BIRC6: variants seen among roughly 807,000 people sequenced by gnomAD.
BIRC6 encodes the protein dual E2 ubiquitin-conjugating enzyme/E3 ubiquitin-protein ligase BIRC6.
In BIRC6, 98 loss-of-function variants were observed where a neutral mutation model predicts 503.3. That is an observed-to-expected ratio of 0.19 (90% confidence interval 0.17 to 0.23). BIRC6 has a LOEUF of 0.23. Ranked by LOEUF, BIRC6 falls within the 10% of genes least tolerant of loss-of-function variation. The pLI is 1.00. For synonymous variants in BIRC6, 2,240 were observed against 2,078.7 expected, an observed-to-expected ratio of 1.08 and a Z score of -2.11; for missense variants, 5,360 against 5,806.0, an observed-to-expected ratio of 0.92 and a Z score of 2.50.
rs779807146 is a variant in BIRC6 at position 32,488,678 on chromosome 2, A to G, written c.8059A>G (p.Asn2687Asp). The G allele has an allele frequency of 3.4e-6, 5 of 1,471,334 alleles. No homozygotes were observed. The highest frequency in any genetic ancestry group is 4.6e-6 in the Non-Finnish European group (5 of 1,078,408). 91.1% of individuals were successfully genotyped at this position (1,471,334 alleles called of 1,614,324 possible). A position where few individuals can be genotyped will look rare whatever the true frequency, so the allele number is the denominator to read the frequency against. ...AAATGGAGCAGACATATTTTTATAT[A>G]ATGCTAATAGGATACCTGTTATTTC... ...KENGADIFLY[N>D]ANRIPVISLN... Residue 2687 changes from asparagine (N) to aspartate (D), a missense_variant, in exon 42 of 74, where the codon AAT (asparagine) becomes GAT (aspartate). Around this residue, in one of 16 missense-constraint regions of BIRC6, gnomAD observed 2,299 missense variants for 2,267.2 expected, o/e 1.01. Transcript: ENST00000421745.
intron 45 of BIRC6, among the ~76,000 whole-genome samples, chr2:32,497,860 A>G (rs35839092): frequency 6.6e-6 from 1 of 152,136 alleles, no homozygotes; most frequent in East Asian, 1.9e-4. Context: ...GCATTTGACA[A>G]AGTCAGAATT....
chr2:32,503,382 C>T (rs978381531), intron 49 of BIRC6, 146 bp downstream of exon 49: 6 of 708,712 alleles, frequency 8.5e-6, no homozygotes, highest in Admixed American at 5.2e-5. Flanking sequence ...GTGGATATCT[C>T]GACATTCTAC....
chr2:32,543,983 G>C (rs919729252), intron 62 of BIRC6, among the ~76,000 whole-genome samples: 1 of 152,212 alleles, frequency 6.6e-6, no homozygotes, highest in Admixed American at 6.5e-5. Flanking sequence ...AAGTGGCATG[G>C]TAGTTTTTAG....
rs1317366035 is a variant in BIRC6 at position 32,545,897 on chromosome 2, A to G, written c.12810+37A>G. 4 of 1,562,358 alleles carry G rather than the reference A, an allele frequency of 2.6e-6. No homozygotes were observed. In the African/African-American group the frequency reaches 4.1e-5, roughly 16 times the overall value. On this transcript the variant is annotated intron_variant, in intron 63 of 73. Coordinates refer to ENST00000421745, the MANE Select transcript of BIRC6 (RefSeq NM_016252.4). ...TTTAATTATTTCAGTTATTAAAAAA[A>G]CTAGATTTAATTAGGGAGTACAGAA... is the stretch of plus-strand genomic sequence containing the variant.
intron 53 of BIRC6, among the ~76,000 whole-genome samples, chr2:32,511,919 T>C (rs1324515703): frequency 6.6e-6 from 1 of 152,172 alleles, no homozygotes; most frequent in African/African-American, 2.4e-5. Context: ...TCGTTAGTAG[T>C]GGTTAAAATA....
At chr2:32,473,520 C>G (rs1196370900) in intron 33 of BIRC6, among the ~76,000 whole-genome samples, 1 of 151,952 alleles carries the variant, frequency 6.6e-6, no homozygotes, top group African/African-American at 2.4e-5. Flanking sequence ...GTCCAAAAAC[C>G]TCTCTTCCTT....
intron 40 of BIRC6, 66 bp from the exon 41 acceptor site, chr2:32,487,581 T>C (rs1024549053): frequency 4.5e-5 from 64 of 1,419,416 alleles, no homozygotes; most frequent in Non-Finnish European, 2.7e-5. Flanking sequence ...TTTATACATA[T>C]GAATAACCAG....
At chr2:32,499,388 C>T (rs1270945292) in intron 45 of BIRC6, among the ~76,000 whole-genome samples, 159 bp from the exon 46 acceptor site, 2 of 152,124 alleles carry the variant, frequency 1.3e-5, no homozygotes, top group African/African-American at 2.4e-5. Flanking sequence ...CTATTAGCTA[C>T]CTAATGAAAT....
At chr2:32,562,753 T>G (rs2059281683) in intron 65 of BIRC6, among the ~76,000 whole-genome samples, 1 of 152,248 alleles carries the variant, frequency 6.6e-6, no homozygotes, top group African/African-American at 2.4e-5. Context: ...TTTGTCCATG[T>G]GTTTTCATGG....
intron 5 of BIRC6, among the ~76,000 whole-genome samples, chr2:32,392,885 G>A (rs144669925): frequency 2.6e-5 from 4 of 151,684 alleles, no homozygotes; most frequent in East Asian, 2.0e-4. Flanking sequence ...AGTGATCTAC[G>A]CACCTCATCC....
At chr2:32,395,092 G>A (rs2039715257) in intron 5 of BIRC6, among the ~76,000 whole-genome samples, 1 of 152,174 alleles carries the variant, frequency 6.6e-6, no homozygotes, top group Admixed American at 6.5e-5. Context: ...GGTGGAGCTT[G>A]CAGTGAGCCG....
At chr2:32,518,134 G>A in intron 55 of BIRC6, 120 bp from the exon 56 acceptor site, 1 of 919,422 alleles carries the variant, frequency 1.1e-6, no homozygotes, top group Non-Finnish European at 1.6e-6. Flanking sequence ...TTGTTCTTTA[G>A]CTACTGATTT....
Position 32,415,248 on chromosome 2 carries a change from A to G in BIRC6, c.1957A>G (p.Met653Val), listed in dbSNP as rs757230687. Residue 653 changes from methionine to valine, a missense_variant, in exon 10 of 74, where the codon ATG becomes GTG. This residue lies in a region of BIRC6 where 700 missense variants were observed against 739.3 expected (regional missense o/e 0.95). Coordinates refer to ENST00000421745, the MANE Select transcript of BIRC6 (RefSeq NM_016252.4). Reference sequence around the variant, plus strand: ...GATCTTTTCACAGATGAACAATATTATGAGTAAAAGTTTGCATGATGATGG... The same window carrying G: ...GATCTTTTCACAGATGAACAATATTGTGAGTAAAAGTTTGCATGATGATGG... ...GKIFSQMNNI[M>V]SKSLHDDGFT... 3 of 1,614,044 alleles carry G rather than the reference A, an allele frequency of 1.9e-6. No homozygotes were observed. The highest frequency in any genetic ancestry group is 2.2e-5 in the East Asian group (1 of 44,892).
rs1438071131 is a variant in BIRC6 at position 32,435,639 on chromosome 2, A to G, written c.3499+54A>G. The G allele has an allele frequency of 4.7e-6, 7 of 1,486,386 alleles. No homozygotes were observed. The East Asian group carries it at 1.3e-4, about 27-fold the overall frequency. The allele number at this position is 1,486,386 out of a possible 1,614,324, so 92.1% of individuals were successfully genotyped here. A position where few individuals can be genotyped will look rare whatever the true frequency, so the allele number is the denominator to read the frequency against. On this transcript the variant is annotated intron_variant, in intron 14 of 73. Transcript: ENST00000421745. ...TGACAGTAAAAGGAGTAGTGATCTG[A>G]ATGCAACATGTCGGGCAAGATTTCC...
intron 68 of BIRC6, among the ~76,000 whole-genome samples, chr2:32,596,496 C>T (rs1438977616): frequency 6.6e-6 from 1 of 151,278 alleles, no homozygotes; most frequent in Non-Finnish European, 1.5e-5. Context: ...AAAATCATGA[C>T]CTTTATTATC....
At chr2:32,512,851 C>T (rs2054584597) in intron 53 of BIRC6, 82 bp from the exon 54 acceptor site, 8 of 1,016,930 alleles carry the variant, frequency 7.9e-6, no homozygotes, top group African/African-American at 6.3e-5. Flanking sequence ...ACCCTACTCA[C>T]CATGCAGAGA....
intron 14 of BIRC6, 44 bp from the exon 15 acceptor site, chr2:32,436,009 T>A (rs1662674394): frequency 8.4e-7 from 1 of 1,189,938 alleles, no homozygotes; most frequent in Non-Finnish European, 1.1e-6. Flanking sequence ...TATTACATTT[T>A]AAATGAATGA....
chr2:32,599,682 T>G (rs1020682972), intron 69 of BIRC6, 57 bp from the exon 70 acceptor site: 33 of 1,516,880 alleles, frequency 2.2e-5, no homozygotes, highest in Admixed American at 3.6e-5. Flanking sequence ...TGTATTTTTC[T>G]AAATATCAGT....
At chr2:32,534,925 T>G (rs537469164) in intron 61 of BIRC6, among the ~76,000 whole-genome samples, 2 of 151,318 alleles carry the variant, frequency 1.3e-5, no homozygotes, top group East Asian at 1.9e-4. Context: ...CCCAAATAGA[T>G]GTAAAACTTA....
Sources: gnomAD v4.1 joint callset for allele counts (sites outside exome capture counted in the v4.1 genomes callset) on GRCh38, gnomAD v4.1.1 for gene constraint, gnomAD v4.1.1 regional missense constraint, MANE v1.5 for transcripts, NCBI Gene and HGNC (gene_info 2026-07-23, HGNC 2026-07-21) for gene names.